PAK6: variants seen among roughly 807,000 people sequenced by gnomAD.
The protein encoded by PAK6 is p21 (RAC1) activated kinase 6, also known as serine/threonine-protein kinase PAK 6.
Under a neutral mutation model 60.8 loss-of-function variants are expected in PAK6, and 33 were observed. That is an observed-to-expected ratio of 0.54 (90% CI 0.41 to 0.73). The LOEUF (loss-of-function observed/expected upper bound fraction) is 0.73, where lower values mean the gene tolerates loss of function less well. Ranked by LOEUF, PAK6 falls within the 30% of genes least tolerant of loss-of-function variation. The pLI is 0.00. For missense variants in PAK6, 845 were observed against 904.1 expected (o/e 0.93, Z 0.84); for synonymous variants, 404 against 378.5 (o/e 1.07, Z -0.78).
At chr15:40,247,696 C>T (rs527634142) in intron 2 of PAK6, among the ~76,000 whole-genome samples, 39 of 152,274 alleles carry the variant, frequency 2.6e-4, no homozygotes, top group East Asian at 9.6e-4. Flanking sequence ...GTACAGCAGC[C>T]GGGCGGGGAC....
At chr15:40,266,805 G>A (rs1365694988) in intron 5 of PAK6, 2 of 332,288 alleles carry the variant, frequency 6.0e-6, no homozygotes, top group Admixed American at 4.6e-5. Flanking sequence ...GCCGACTTGT[G>A]GCATGTGTGA....
At chr15:40,264,854 C>T (rs202083311) in exon 4 of PAK6, 13 of 1,613,920 alleles carry the variant, frequency 8.1e-6, no homozygotes, top group Non-Finnish European at 1.1e-5. Context: ...ACCGTGTCCA[C>T]ACCTCCTTCG....
rs987439815 is a variant in PAK6, at chr15:40,255,489, T to C, written c.-6+2200T>C. On this transcript the variant is annotated intron_variant, in intron 3 of 10. Coordinates refer to ENST00000560346, the Ensembl canonical transcript of PAK6. The stretch of plus-strand genomic sequence containing the variant: ...TCTCCGCACTTCAGCACACTGACCC[T>C]GAGCAGGTTGTTTGAATCTTGTGGG... 1.8e-4 allele frequency among the ~76,000 whole-genome samples: 28 copies of C among 152,328 alleles called. 1 individual carries two copies. Among genetic ancestry groups the C allele is most frequent in the Admixed American group, 1.8e-3 (28 of 15,304 alleles).
In PAK6 at chr15:40,272,274, G is replaced by A. The variant is rs146266050; in HGVS notation, c.909G>A (p.Val303=). ...AGAAAGACAACCCCCCAAGCCTGGT[G>A]GCCAAGGCCCAGTCCTTGCCCTCGG... The change falls in exon 6 of 11, where the codon GTG becomes GTA. Residue 303 remains valine, a synonymous_variant. Coordinates refer to ENST00000560346, the Ensembl canonical transcript of PAK6. 3.1e-4 allele frequency: 506 copies of A among 1,613,884 alleles called. No homozygotes were observed. In the Middle Eastern group the frequency reaches 9.2e-3, roughly 29 times the overall value.
chr15:40,271,844 C>A (rs1263207211), intron 5 of PAK6, among the ~76,000 whole-genome samples: 1 of 152,204 alleles, frequency 6.6e-6, no homozygotes, highest in Admixed American at 6.5e-5. Flanking sequence ...ATTCTTCAAG[C>A]AGCCTCTGAG....
upstream of PAK6, chr15:40,239,199 C>A (rs2038247296): frequency 2.0e-5 from 3 of 152,168 alleles, no homozygotes; most frequent in Admixed American, 2.0e-4. Context: ...CCCTGATGGG[C>A]GGGAGCGGGG....
chr15:40,269,146 G>A (rs1022130406), intron 5 of PAK6, among the ~76,000 whole-genome samples: 17 of 152,116 alleles, frequency 1.1e-4, no homozygotes, highest in Admixed American at 7.2e-4. Context: ...AGCCTCCCAA[G>A]TAGCTGGGAT....
chr15:40,259,246 A>G (rs1361544911), intron 3 of PAK6: 1 of 152,042 alleles, frequency 6.6e-6, no homozygotes, highest in Non-Finnish European at 1.5e-5. Context: ...TGCAGCAGCC[A>G]CCTCCCTCAG....
chr15:40,242,525 G>A (rs1024306707), intron 2 of PAK6, among the ~76,000 whole-genome samples: 1 of 152,220 alleles, frequency 6.6e-6, no homozygotes, highest in Non-Finnish European at 1.5e-5. Flanking sequence ...CGGGCCTCAA[G>A]GAGAGAGCTT....
At chr15:40,272,307 G>T (rs200815331) in exon 6 of PAK6, 1 of 1,613,994 alleles carries the variant, frequency 6.2e-7, no homozygotes, top group East Asian at 2.2e-5. Context: ...CGGACCAGCC[G>T]GTGGGGACCT....
At chr15:40,262,989 G>A (rs922277371) in intron 3 of PAK6, among the ~76,000 whole-genome samples, 12 of 152,176 alleles carry the variant, frequency 7.9e-5, no homozygotes, top group Non-Finnish European at 1.6e-4. Context: ...CTACCTCTAG[G>A]GGGTGTTCGG....
At chr15:40,267,646 G>C (rs1595595901) in intron 5 of PAK6, among the ~76,000 whole-genome samples, 1 of 152,176 alleles carries the variant, frequency 6.6e-6, no homozygotes, top group East Asian at 1.9e-4. Flanking sequence ...GGGACAGACA[G>C]AGCGAGACTC....
intron 9 of PAK6, 129 bp from the exon 10 acceptor site, chr15:40,274,013 G>C (rs1419563640): frequency 2.8e-6 from 3 of 1,083,856 alleles, no homozygotes; most frequent in Non-Finnish European, 1.4e-6. Context: ...GTGACCAGGG[G>C]AGGAAGGAGA....
At chr15:40,255,897 G>C (rs938106532) in intron 3 of PAK6, among the ~76,000 whole-genome samples, 1 of 152,192 alleles carries the variant, frequency 6.6e-6, no homozygotes, top group African/African-American at 2.4e-5. Flanking sequence ...GAGTGCCACA[G>C]ATCCTGCACT....
intron 3 of PAK6, among the ~76,000 whole-genome samples, chr15:40,262,886 T>G (rs3067204): frequency 0.31 from 38,531 of 124,198 alleles, 5,135 homozygotes; most frequent in Admixed American, 0.38. Flanking sequence ...CTCTCCAAAT[T>G]ATTAGTGGGA....
intron 3 of PAK6, among the ~76,000 whole-genome samples, chr15:40,260,735 T>C (rs1179965531): frequency 1.3e-5 from 2 of 152,234 alleles, no homozygotes; most frequent in African/African-American, 4.8e-5. Flanking sequence ...TTGGGAATAA[T>C]TGACATCTTT....
intron 5 of PAK6, 62 bp downstream of exon 5, chr15:40,266,557 G>T: frequency 6.9e-7 from 1 of 1,454,746 alleles, no homozygotes; most frequent in Non-Finnish European, 9.2e-7. Flanking sequence ...CACAGGCCTT[G>T]CCTAGCCTTC....
At chr15:40,263,895 G>A (rs1207518031) in intron 3 of PAK6, 2 of 455,956 alleles carry the variant, frequency 4.4e-6, no homozygotes, top group South Asian at 3.1e-5. Flanking sequence ...AGGATTACAG[G>A]CATGAACCAC....
chr15:40,272,427 C>T, exon 6 of PAK6: 1 of 1,613,648 alleles, frequency 6.2e-7, no homozygotes, highest in South Asian at 1.1e-5. Context: ...CCCCCCGCAC[C>T]TGGCACGCCC....
Sources: allele counts gnomAD v4.1 joint callset (sites outside exome capture counted in the v4.1 genomes callset), GRCh38; gene constraint gnomAD v4.1.1; transcripts MANE v1.5; gene names NCBI Gene and HGNC (gene_info 2026-07-23, HGNC 2026-07-21).